The following CSMD1 variants were observed in gnomAD, a reference collection of about 807,000 sequenced individuals.
CSMD1 encodes the protein CUB and sushi domain-containing protein 1.
Under a neutral mutation model 417.5 loss-of-function variants are expected in CSMD1, and 213 were observed. The observed-to-expected ratio is 0.51, with a 90% confidence interval of 0.46 to 0.57. The LOEUF (loss-of-function observed/expected upper bound fraction) is 0.57, where lower values mean the gene tolerates loss of function less well. CSMD1 is among the 20% of genes least tolerant of loss of function. CSMD1 has a pLI of 0.00. For missense variants in CSMD1, 6,923 were observed against 4,529.7 expected (o/e 1.53, Z -15.17); for synonymous variants, 2,862 against 1,736.8 (o/e 1.65, Z -16.11).
At chr8:4,686,000 T>C (rs890884156) in intron 1 of CSMD1, among the ~76,000 whole-genome samples, 13 of 152,230 alleles carry the variant, frequency 8.5e-5, no homozygotes, top group African/African-American at 2.7e-4. Context: ...TTTAAAACCT[T>C]ATTTTCTCAA....
In CSMD1 at chr8:4,275,422, G is replaced by A. The variant is rs543815434; in HGVS notation, c.415+144531C>T. 1.5e-4 allele frequency among the ~76,000 whole-genome samples: 23 copies of A among 152,122 alleles called. No homozygotes were observed. In the South Asian group the frequency reaches 2.9e-3, roughly 19 times the overall value. ...AAGGACAAAGGAGAATAAATACATT[G>A]ATTTGTGTGCATGATACTATGGCCT... On this transcript the variant is annotated intron_variant, in intron 3 of 69. Transcript: ENST00000635120.
At chr8:4,005,030 C>G (rs572851965) in intron 4 of CSMD1, among the ~76,000 whole-genome samples, 1 of 152,162 alleles carries the variant, frequency 6.6e-6, no homozygotes, top group African/African-American at 2.4e-5. Context: ...AAGTGAAGTA[C>G]TGAGGAATGG....
chr8:4,868,852 A>G (rs1802570310), intron 1 of CSMD1, among the ~76,000 whole-genome samples: 1 of 151,890 alleles, frequency 6.6e-6, no homozygotes. Context: ...ATTGATAACC[A>G]ATTTCAGATG....
chr8:3,946,440 T>G (rs768114850), intron 5 of CSMD1, among the ~76,000 whole-genome samples: 3 of 152,188 alleles, frequency 2.0e-5, no homozygotes, highest in Non-Finnish European at 4.4e-5. Flanking sequence ...TAGCTCAATA[T>G]TGACATCTTC....
intron 1 of CSMD1, among the ~76,000 whole-genome samples, chr8:4,857,313 A>G (rs1801861270): frequency 6.6e-6 from 1 of 150,536 alleles, no homozygotes; most frequent in Admixed American, 6.6e-5. Flanking sequence ...AAGAGAAAGC[A>G]GGAAAGATCC....
At chr8:4,841,926 A>AAAAAAAAAAAAACAAAAAAC (rs1800862881) in intron 1 of CSMD1, among the ~76,000 whole-genome samples, 1 of 142,062 alleles carries the variant, frequency 7.0e-6, no homozygotes, top group African/African-American at 2.7e-5. Flanking sequence ...AAAAAAAAAA[A>AAAAAAAAAAAAACAAAAAAC]AAAAAAAAAA....
chr8:4,041,142 GA>G (rs1797871541), intron 3 of CSMD1, among the ~76,000 whole-genome samples: 1 of 148,796 alleles, frequency 6.7e-6, no homozygotes, highest in Non-Finnish European at 1.5e-5. Flanking sequence ...TCAGCCTCCC[GA>G]GTAGCTGGGA....
chr8:4,415,387 C>A (rs892902736), intron 3 of CSMD1, among the ~76,000 whole-genome samples: 1 of 152,044 alleles, frequency 6.6e-6, no homozygotes, highest in Non-Finnish European at 1.5e-5. Context: ...TCCTTGAGAC[C>A]TTCTATTCCG....
At chr8:4,710,302 G>T (rs911704864) in intron 1 of CSMD1, among the ~76,000 whole-genome samples, 1 of 150,704 alleles carries the variant, frequency 6.6e-6, no homozygotes, top group African/African-American at 2.4e-5. Flanking sequence ...ATGTATATGT[G>T]TATACATTTA....
intron 25 of CSMD1, among the ~76,000 whole-genome samples, chr8:3,295,731 G>C (rs1803914510): frequency 1.3e-5 from 2 of 152,114 alleles, no homozygotes; most frequent in Admixed American, 1.3e-4. Flanking sequence ...AGGAATACCT[G>C]ATTACCGTCA....
Position 3,558,529 on chromosome 8 carries a change from C to T in CSMD1, c.1344+16416G>A, listed in dbSNP as rs905298057. Among the ~76,000 whole-genome samples, 20 of 150,068 alleles carry T rather than the reference C, an allele frequency of 1.3e-4. No individual in the cohort carries two copies. The South Asian group carries it at 3.8e-3, about 29-fold the overall frequency. The stretch of plus-strand genomic sequence containing the variant: ...CAATGGTACCCCATGTCGACTCCTC[C>T]AACGATGAACGGTGTCTCAATGGTA... On this transcript the variant is annotated intron_variant, in intron 10 of 69. Coordinates refer to ENST00000635120, the MANE Select transcript of CSMD1 (RefSeq NM_033225.6).
At chr8:3,471,617 C>T (rs1585213790) in intron 11 of CSMD1, among the ~76,000 whole-genome samples, 1 of 146,238 alleles carries the variant, frequency 6.8e-6, no homozygotes, top group Non-Finnish European at 1.5e-5. Context: ...TCTCTCCTTC[C>T]TTCCCTCCCT....
At chr8:4,859,863 G>A (rs1802022762) in intron 1 of CSMD1, among the ~76,000 whole-genome samples, 1 of 152,084 alleles carries the variant, frequency 6.6e-6, no homozygotes, top group Non-Finnish European at 1.5e-5. Flanking sequence ...GATTCCTCAG[G>A]GATGTAGAAC....
intron 2 of CSMD1, among the ~76,000 whole-genome samples, chr8:4,446,011 C>A (rs192140464): frequency 6.6e-6 from 1 of 152,114 alleles, no homozygotes; most frequent in Non-Finnish European, 1.5e-5. Context: ...AGCACCCTGA[C>A]TCTGTGCCAA....
At chr8:3,579,190 A>G (rs113842025) in intron 9 of CSMD1, among the ~76,000 whole-genome samples, 4 of 152,322 alleles carry the variant, frequency 2.6e-5, no homozygotes, top group African/African-American at 9.6e-5. Flanking sequence ...TAAATTGAAA[A>G]TATAAAACGT....
intron 1 of CSMD1, among the ~76,000 whole-genome samples, chr8:4,728,907 C>A (rs544780817): frequency 2.6e-5 from 4 of 152,104 alleles, no homozygotes; most frequent in Non-Finnish European, 5.9e-5. Flanking sequence ...AGGAATTTGT[C>A]TTTGAGCATT....
At chr8:4,267,834 T>A (rs114413148) in intron 3 of CSMD1, among the ~76,000 whole-genome samples, 1 of 152,114 alleles carries the variant, frequency 6.6e-6, no homozygotes, top group African/African-American at 2.4e-5. Context: ...AAAGTGTATA[T>A]AATTTAGCTT....
intron 2 of CSMD1, among the ~76,000 whole-genome samples, chr8:4,600,666 G>C (rs1800532087): frequency 6.6e-6 from 1 of 152,076 alleles, no homozygotes; most frequent in Admixed American, 6.5e-5. Flanking sequence ...ATAAGAAATT[G>C]ACAAAATTAT....
intron 5 of CSMD1, 41 bp from the exon 6 acceptor site, chr8:3,754,083 A>C (rs770824728): frequency 7.3e-7 from 1 of 1,366,814 alleles, no homozygotes; most frequent in South Asian, 1.2e-5. Flanking sequence ...CTTGTAAACC[A>C]ACAGAGCAAA....
Sources: allele counts gnomAD v4.1 joint callset (sites outside exome capture counted in the v4.1 genomes callset), GRCh38; gene constraint gnomAD v4.1.1; transcripts MANE v1.5; gene names NCBI Gene and HGNC (gene_info 2026-07-23, HGNC 2026-07-21).